CHD7: variants seen among roughly 807,000 people sequenced by gnomAD.
CHD7 encodes chromodomain helicase DNA binding protein 7, also known as ATP-dependent chromatin remodeler CHD7.
In CHD7, 24 loss-of-function variants were observed where a neutral mutation model predicts 307.3. The ratio of observed to expected loss-of-function variants is 0.08; its 90% confidence interval spans 0.06 to 0.11. The LOEUF is 0.11. Ranked by LOEUF, CHD7 falls within the 10% of genes least tolerant of loss-of-function variation. The pLI is 1.00. For synonymous variants in CHD7, 1,363 were observed against 1,349.9 expected (o/e 1.01, Z -0.21); for missense variants, 3,106 against 3,727.1 (o/e 0.83, Z 4.34).
chr8:60,710,877 C>T (rs559927251), intron 1 of CHD7, among the ~76,000 whole-genome samples: 1 of 152,306 alleles, frequency 6.6e-6, no homozygotes, highest in African/African-American at 2.4e-5. Context: ...CACAAGATCA[C>T]CTAGGCAGGA....
At chr8:60,682,830 G>A (rs1341792741) in intron 1 of CHD7, among the ~76,000 whole-genome samples, 1 of 152,110 alleles carries the variant, frequency 6.6e-6, no homozygotes, top group African/African-American at 2.4e-5. Flanking sequence ...ATATAAATGT[G>A]GCATTGCAAG....
chr8:60,767,978 ATGT>A (rs1255052672), intron 2 of CHD7, among the ~76,000 whole-genome samples: 2 of 152,188 alleles, frequency 1.3e-5, no homozygotes, highest in African/African-American at 2.4e-5. Flanking sequence ...TATTATAGGT[ATGT>A]TGTTCTGAAA....
At chr8:60,692,485 CA>C (rs1806246622) in intron 1 of CHD7, among the ~76,000 whole-genome samples, 1 of 152,112 alleles carries the variant, frequency 6.6e-6, no homozygotes, top group Non-Finnish European at 1.5e-5. Context: ...CATTTCAAGC[CA>C]GTGTTATTTC....
chr8:60,836,888 A>C lies in CHD7; in HGVS notation c.4061A>C (p.Lys1354Thr). The change falls in exon 17 of 38, where the codon AAA becomes ACA. Residue 1354 changes from lysine (K) to threonine (T), a missense_variant. By Grantham distance (78) the Lys-to-Thr change is moderately conservative. This residue lies in a region of CHD7 where 232 missense variants were observed against 422.5 expected (regional missense o/e 0.55). Transcript: ENST00000423902. ...CAGGCAGCTATCGACAGATTCTCCA[A>C]ACCTGATTCTGATAGGTTTGTTTTC... ...LRQAAIDRFS[K>T]PDSDRFVFLL... The C allele has an allele frequency of 6.2e-7, 1 of 1,613,896 alleles. No homozygotes were observed. The highest frequency in any genetic ancestry group is 8.5e-7 in the Non-Finnish European group (1 of 1,179,824).
intron 1 of CHD7, among the ~76,000 whole-genome samples, chr8:60,683,581 T>A (rs987944469): frequency 2.0e-5 from 3 of 152,250 alleles, no homozygotes; most frequent in Non-Finnish European, 4.4e-5. Context: ...ATTGGATATT[T>A]AGAGTGTGAG....
In CHD7 at chr8:60,816,412, T is replaced by C. The variant is rs1223536535; in HGVS notation, c.2524T>C (p.Ser842Pro). 2 of 1,600,856 alleles carry C rather than the reference T, an allele frequency of 1.2e-6. No homozygotes were observed. Among genetic ancestry groups the C allele is most frequent in the African/African-American group, 1.3e-5 (1 of 74,712 alleles). Residue 842 changes from serine (S) to proline (P), a missense_variant, in exon 8 of 38, where the codon TCT becomes CCT. Coordinates refer to ENST00000423902, the MANE Select transcript of CHD7 (RefSeq NM_017780.4). ...NFSYLHCQWA[S>P]IEDLEKDKRI... Reference sequence around the variant, plus strand: ...CTCTTATCTTCATTGTCAGTGGGCATCTATAGAAGATCTGGAAAAAGATAA... The same window carrying C: ...CTCTTATCTTCATTGTCAGTGGGCACCTATAGAAGATCTGGAAAAAGATAA...
chr8:60,867,390 C>G lies in CHD7; in HGVS notation c.*1457C>G, dbSNP rs1231256686. On this transcript the variant is annotated 3_prime_UTR_variant, in exon 38 of 38. Coordinates refer to ENST00000423902, the MANE Select transcript of CHD7 (RefSeq NM_017780.4). ...GCCAGAAACCAGTGTGTGGAAAAAC[C>G]CATGTGGAATTGAAACAGACCCACT... is the stretch of plus-strand genomic sequence containing the variant. 1.3e-5 allele frequency: 2 copies of G among 152,240 alleles called. No homozygotes were observed. The highest frequency in any genetic ancestry group is 2.1e-4 in the South Asian group (1 of 4,832). 9.4% of individuals were successfully genotyped at this position (152,240 alleles called of 1,614,324 possible). A position where few individuals can be genotyped will look rare whatever the true frequency, so the allele number is the denominator to read the frequency against.
At chr8:60,773,315 G>A (rs374057156) in intron 2 of CHD7, among the ~76,000 whole-genome samples, 3 of 152,168 alleles carry the variant, frequency 2.0e-5, no homozygotes, top group South Asian at 2.1e-4. Flanking sequence ...AATTACTTCA[G>A]GGATAGGAGA....
chr8:60,714,711 C>T (rs1807492096), intron 1 of CHD7, among the ~76,000 whole-genome samples: 2 of 152,316 alleles, frequency 1.3e-5, no homozygotes, highest in South Asian at 2.1e-4. Context: ...CCCGCTCCTC[C>T]TCACTCTGGT....
At position 60,679,424 on chromosome 8, in the gene CHD7, T is replaced by A. The variant is rs1805449998; in HGVS notation, c.-175+342T>A. 4.1e-5 allele frequency: 4 copies of A among 98,014 alleles called. No individual in the cohort carries two copies. The Admixed American group carries it at 5.4e-4, about 13-fold the overall frequency. 6.1% of individuals were successfully genotyped at this position (98,014 alleles called of 1,614,324 possible). A position where few individuals can be genotyped will look rare whatever the true frequency, so the allele number is the denominator to read the frequency against. On this transcript the variant is annotated intron_variant, in intron 1 of 37. Coordinates refer to ENST00000423902, the MANE Select transcript of CHD7 (RefSeq NM_017780.4). The stretch of plus-strand genomic sequence containing the variant: ...TTCCTCGCATGTAAATGGCTTTTTG[T>A]TGTGCTGCCGGCGTGGGGGGGGGGT...
chr8:60,771,901 CA>C (rs1369960730), intron 2 of CHD7, among the ~76,000 whole-genome samples: 6 of 152,188 alleles, frequency 3.9e-5, no homozygotes, highest in African/African-American at 1.4e-4. Flanking sequence ...AAGTGTCCCC[CA>C]GTCAGACCTA....
chr8:60,693,967 C>G (rs1586171547), intron 1 of CHD7, among the ~76,000 whole-genome samples: 1 of 152,216 alleles, frequency 6.6e-6, no homozygotes, highest in Non-Finnish European at 1.5e-5. Context: ...CCAGTGGGCC[C>G]TCAGGTGGGT....
chr8:60,680,316 G>A (rs1487726970), intron 1 of CHD7, among the ~76,000 whole-genome samples: 3 of 147,740 alleles, frequency 2.0e-5, no homozygotes, highest in Non-Finnish European at 4.5e-5. Flanking sequence ...GCTCGCTGGG[G>A]GCGCGGGGCT....
intron 19 of CHD7, among the ~76,000 whole-genome samples, chr8:60,841,404 A>G (rs1586425615): frequency 6.6e-6 from 1 of 152,248 alleles, no homozygotes; most frequent in East Asian, 1.9e-4. Flanking sequence ...TATCACTTGC[A>G]CTGGTCTATA....
chr8:60,682,773 C>T (rs1441492735), intron 1 of CHD7, among the ~76,000 whole-genome samples: 1 of 152,264 alleles, frequency 6.6e-6, no homozygotes, highest in Non-Finnish European at 1.5e-5. Flanking sequence ...CTAAATACAA[C>T]CTTTTGGGTT....
In CHD7 at chr8:60,779,716, T is replaced by C. The variant is rs143690717; in HGVS notation, c.1666-1284T>C. Among the ~76,000 whole-genome samples the C allele has an allele frequency of 2.6e-5, 4 of 152,334 alleles. No homozygotes were observed. In the East Asian group the frequency reaches 7.7e-4, roughly 29 times the overall value. On this transcript the variant is annotated intron_variant, in intron 2 of 37. Coordinates refer to ENST00000423902, the MANE Select transcript of CHD7 (RefSeq NM_017780.4). ...TACAGTAGTCACGAGGCTCTGGAGA[T>C]GTGGGCCTGGGCTCGTCTGCCTGCT... is the stretch of plus-strand genomic sequence containing the variant.
intron 1 of CHD7, among the ~76,000 whole-genome samples, chr8:60,690,906 G>A (rs923243434): frequency 3.9e-5 from 6 of 152,118 alleles, no homozygotes; most frequent in Non-Finnish European, 7.4e-5. Flanking sequence ...TCAGGGAGCT[G>A]CCCATGTCAT....
chr8:60,742,288 A>G lies in CHD7; in HGVS notation c.856A>G (p.Arg286Gly), dbSNP rs61995713. 838 of 1,613,932 alleles carry G rather than the reference A, an allele frequency of 5.2e-4. 3 individuals carry two copies. The African/African-American group carries it at 0.01, about 19-fold the overall frequency. The change falls in exon 2 of 38, where the codon AGG (arginine) becomes GGG (glycine). Residue 286 changes from arginine (R) to glycine (G), a missense_variant. This residue lies in a region of CHD7 where 998 missense variants were observed against 1,004.5 expected (regional missense o/e 0.99). Coordinates refer to ENST00000423902, the MANE Select transcript of CHD7 (RefSeq NM_017780.4). Reference sequence around the variant, plus strand: ...GAATCCTCCCCAACAAGGGGCTGTTAGGCCGCAAACCCTTAACTTTAGTTC... The same window carrying G: ...GAATCCTCCCCAACAAGGGGCTGTTGGGCCGCAAACCCTTAACTTTAGTTC... ...SPNPPQQGAVRPQTLNFSSRS... is the reference protein window; with the variant it reads ...SPNPPQQGAVGPQTLNFSSRS...
intron 1 of CHD7, among the ~76,000 whole-genome samples, chr8:60,680,070 G>A (rs1229933721): frequency 6.6e-6 from 1 of 151,606 alleles, no homozygotes. Flanking sequence ...GCATAATAGC[G>A]ACTTTAACCT....
Sources: allele counts gnomAD v4.1 joint callset (sites outside exome capture counted in the v4.1 genomes callset), GRCh38; gene constraint gnomAD v4.1.1; regional missense constraint gnomAD v4.1.1; transcripts MANE v1.5; gene names NCBI Gene and HGNC (gene_info 2026-07-23, HGNC 2026-07-21).